Variants in ABHD17A observed in about 807,000 individuals in gnomAD.
The protein encoded by ABHD17A is abhydrolase domain containing 17A, depalmitoylase, also known as alpha/beta hydrolase domain-containing protein 17A.
A neutral mutation model predicts 26.8 loss-of-function variants in ABHD17A; 10 were observed. The ratio of observed to expected loss-of-function variants is 0.37; its 90% CI spans 0.23 to 0.63. ABHD17A has a LOEUF of 0.63. Ranked by LOEUF, ABHD17A falls within the 30% of genes least tolerant of loss-of-function variation. ABHD17A has a pLI of 0.61. For synonymous variants in ABHD17A, 167 were observed against 210.9 expected (o/e 0.79, Z 1.80); for missense variants, 292 against 457.3 (o/e 0.64, Z 3.30).
intron 3 of ABHD17A, chr19:1,877,964 C>T (rs1323112417): frequency 2.1e-6 from 1 of 469,474 alleles, no homozygotes; most frequent in Admixed American, 3.9e-5. Context: ...TACGGAGTGC[C>T]CCTGGGGCGG....
chr19:1,881,268 G>C lies in ABHD17A; in HGVS notation c.299C>G (p.Ser100Cys), dbSNP rs1197546147. 6 of 1,611,034 alleles carry C rather than the reference G, an allele frequency of 3.7e-6. No individual in the cohort carries two copies. Among genetic ancestry groups the C allele is most frequent in the African/African-American group, 1.3e-5 (1 of 74,874 alleles). The stretch of plus-strand genomic sequence containing the variant: ...AGGCACGCAGCGAACATACATGCAG[G>C]AGACGCGGTTGCCGCGGGCGCTCTT... The part of the protein sequence containing the change: ...PTKSARGNRV[S>C]CMYVRCVPGA... Residue 100 changes from serine to cysteine, a missense_variant, in exon 2 of 5, where the codon TCC (serine) becomes TGC (cysteine). This residue lies in a region of ABHD17A where 171 missense variants were observed against 216.1 expected (regional missense o/e 0.79). Coordinates refer to ENST00000292577, the MANE Select transcript of ABHD17A (RefSeq NM_001130111.2).
rs1217257552 is a variant in ABHD17A at position 1,880,510 on chromosome 19, G to T, written c.333-395C>A. The stretch of plus-strand genomic sequence containing the variant: ...CTCCTGGAAGAACCTGGACCCCCGG[G>T]GATGGAGCGCACAGGCCCACCTTTC... On this transcript the variant is annotated intron_variant, in intron 2 of 4. Transcript: ENST00000292577. The surrounding 1 kb of genome is among the most constrained non-coding windows in gnomAD (Gnocchi z 4.1). Among the ~76,000 whole-genome samples the T allele has an allele frequency of 6.6e-6, 1 of 152,210 alleles. No homozygotes were observed. Among genetic ancestry groups the T allele is most frequent in the Non-Finnish European group, 1.5e-5 (1 of 68,036 alleles).
At position 1,876,975 on chromosome 19, in the gene ABHD17A, C is replaced by T; in HGVS notation, c.*225G>A. 3.5e-6 allele frequency: 2 copies of T among 567,132 alleles called. No individual in the cohort carries two copies. The highest frequency in any genetic ancestry group is 3.0e-5 in the East Asian group (1 of 32,874). The allele number at this position is 567,132 out of a possible 1,614,324, so 35.1% of individuals were successfully genotyped here. The stretch of plus-strand genomic sequence containing the variant: ...AGCCATGAAAGGAAGGAGAGCAGCC[C>T]TAAAATTTTAAATCTTTAATTTCCG... On this transcript the variant is annotated 3_prime_UTR_variant, in exon 5 of 5. Coordinates refer to ENST00000292577, the MANE Select transcript of ABHD17A (RefSeq NM_001130111.2).
At chr19:1,877,460 G>T in intron 4 of ABHD17A, 35 bp from the exon 5 acceptor site, 1 of 1,569,196 alleles carries the variant, frequency 6.4e-7, no homozygotes, top group Non-Finnish European at 8.6e-7. Context: ...GAGACTTCGC[G>T]CCCGGCCCGG....
chr19:1,880,524 G>A lies in ABHD17A; in HGVS notation c.333-409C>T, dbSNP rs12461295. Among the ~76,000 whole-genome samples the A allele has an allele frequency of 0.6, 90,502 of 152,060 alleles. 27,081 individuals carry two copies. Among genetic ancestry groups the A allele is most frequent in the Middle Eastern group, 0.68 (201 of 294 alleles). ...TGGACCCCCGGGGATGGAGCGCACAGGCCCACCTTTCAGGACCTTCCCAGG... is the reference window on the plus strand; with the variant it reads ...TGGACCCCCGGGGATGGAGCGCACAAGCCCACCTTTCAGGACCTTCCCAGG... On this transcript the variant is annotated intron_variant, in intron 2 of 4. Transcript: ENST00000292577. This position sits in a 1 kb window ranked among gnomAD's most constrained non-coding sequence, Gnocchi z 4.1.
intron 3 of ABHD17A, chr19:1,878,017 C>T (rs1599205373): frequency 2.7e-6 from 1 of 369,926 alleles, no homozygotes; most frequent in East Asian, 5.8e-5. Context: ...CTGGTCACCC[C>T]TAGGTGCACA....
Position 1,880,778 on chromosome 19 carries a change from G to T in ABHD17A, c.332+457C>A. On this transcript the variant is annotated intron_variant, in intron 2 of 4. Transcript: ENST00000292577. The surrounding 1 kb of genome is among the most constrained non-coding windows in gnomAD (Gnocchi z 4.1). ...GGAGCTGCCCCAGGTGGTGCCAGGAGCAGGTGGCCAGGCTGGCCCTGCCAT... is the reference window on the plus strand; with the variant it reads ...GGAGCTGCCCCAGGTGGTGCCAGGATCAGGTGGCCAGGCTGGCCCTGCCAT... 7.0e-7 allele frequency: 1 copy of T among 1,426,084 alleles called. No individual in the cohort carries two copies. The highest frequency in any genetic ancestry group is 9.5e-7 in the Non-Finnish European group (1 of 1,050,830). 88.3% of individuals were successfully genotyped at this position (1,426,084 alleles called of 1,614,324 possible).
In ABHD17A at chr19:1,881,617, C is replaced by T. The variant is rs771242865; in HGVS notation, c.-51G>A. The stretch of plus-strand genomic sequence containing the variant: ...CCACCGGGGCCCCCGCCAACAACGC[C>T]GCCCGGCCTGGCCCGGCAGGGGAGG... On this transcript the variant is annotated 5_prime_UTR_variant, in exon 2 of 5. Coordinates refer to ENST00000292577, the MANE Select transcript of ABHD17A (RefSeq NM_001130111.2). 38 of 1,465,014 alleles carry T rather than the reference C, an allele frequency of 2.6e-5. No individual in the cohort carries two copies. The highest frequency in any genetic ancestry group is 1.3e-4 in the East Asian group (5 of 38,160). 90.8% of individuals were successfully genotyped at this position (1,465,014 alleles called of 1,614,324 possible).
chr19:1,878,121 A>T (rs59109736), intron 3 of ABHD17A: 2,200 of 187,404 alleles, frequency 0.012, 50 homozygotes, highest in African/African-American at 0.05. Context: ...GACAGCGGAC[A>T]CTATTCCTCC....
In ABHD17A at chr19:1,879,401, G is replaced by C. The variant is rs1420940160; in HGVS notation, c.527+520C>G. Reference sequence around the variant, plus strand: ...GACTAGGAGGGCTGGATCTGGAATCGAGGCTGGCCCAGACCTCGGATGTGT... The same window carrying C: ...GACTAGGAGGGCTGGATCTGGAATCCAGGCTGGCCCAGACCTCGGATGTGT... On this transcript the variant is annotated intron_variant, in intron 3 of 4. Transcript: ENST00000292577. This position sits in a 1 kb window ranked among gnomAD's most constrained non-coding sequence, Gnocchi z 7.6. 7 of 166,924 alleles carry C rather than the reference G, an allele frequency of 4.2e-5. 2 individuals carry two copies. Among genetic ancestry groups the C allele is most frequent in the African/African-American group, 1.7e-4 (7 of 41,624 alleles). 10.3% of individuals were successfully genotyped at this position (166,924 alleles called of 1,614,324 possible). A position where few individuals can be genotyped will look rare whatever the true frequency, so the allele number is the denominator to read the frequency against.
intron 1 of ABHD17A, among the ~76,000 whole-genome samples, chr19:1,884,379 G>C (rs138232766): frequency 6.6e-6 from 1 of 152,278 alleles, no homozygotes; most frequent in Non-Finnish European, 1.5e-5. Context: ...AATGGGCGTG[G>C]ACTGGGGAGT....
chr19:1,884,564 C>G (rs1162281635), intron 1 of ABHD17A, among the ~76,000 whole-genome samples: 1 of 152,120 alleles, frequency 6.6e-6, no homozygotes, highest in Non-Finnish European at 1.5e-5. Context: ...GAGACGGTGA[C>G]TGCACCTCAC....
At position 1,876,972 on chromosome 19, in the gene ABHD17A, G is replaced by T. The variant is rs1333843204; in HGVS notation, c.*228C>A. The stretch of plus-strand genomic sequence containing the variant: ...CAGAGCCATGAAAGGAAGGAGAGCA[G>T]CCCTAAAATTTTAAATCTTTAATTT... On this transcript the variant is annotated 3_prime_UTR_variant, in exon 5 of 5. Transcript: ENST00000292577. The T allele has an allele frequency of 3.5e-6, 2 of 565,550 alleles. No homozygotes were observed. The highest frequency in any genetic ancestry group is 4.1e-5 in the South Asian group (2 of 48,772). 35.0% of individuals were successfully genotyped at this position (565,550 alleles called of 1,614,324 possible).
chr19:1,881,929 C>T (rs1219536799), intron 1 of ABHD17A, 125 bp from the exon 2 acceptor site: 2 of 236,282 alleles, frequency 8.5e-6, no homozygotes, highest in Non-Finnish European at 1.6e-5. Context: ...CAGTCCCCAT[C>T]CCCTCGGCCC....
In ABHD17A at chr19:1,877,215, G is replaced by A. The variant is rs1398933050; in HGVS notation, c.918C>T (p.Pro306=). The part of the protein sequence containing the change: ...RLRRFISQEL[P]SQRA ...GGGGCCGCCGCTAGGCGCGCTGGCT[G>A]GGCAGCTCCTGGGAGATGAAGCGAC... The change falls in exon 5 of 5, where the codon CCC becomes CCT. Residue 306 remains proline (P), a synonymous_variant. Coordinates refer to ENST00000292577, the MANE Select transcript of ABHD17A (RefSeq NM_001130111.2). The A allele has an allele frequency of 6.7e-7, 1 of 1,485,218 alleles. No individual in the cohort carries two copies. The highest frequency in any genetic ancestry group is 1.4e-5 in the African/African-American group (1 of 72,506). The allele number at this position is 1,485,218 out of a possible 1,614,324, so 92.0% of individuals were successfully genotyped here. A position where few individuals can be genotyped will look rare whatever the true frequency, so the allele number is the denominator to read the frequency against.
Position 1,881,413 on chromosome 19 carries a change from G to A in ABHD17A, c.154C>T (p.Pro52Ser), listed in dbSNP as rs2012526046. ...EPGPGGAGAA[P>S]LGTLRASSGA... ...GAGGAGGCTCTCAGGGTCCCCAAGGGGGCGGCCCCGGCCCCACCAGGCCCC... is the reference window on the plus strand; with the variant it reads ...GAGGAGGCTCTCAGGGTCCCCAAGGAGGCGGCCCCGGCCCCACCAGGCCCC... Residue 52 changes from proline (P) to serine (S), a missense_variant, in exon 2 of 5, where the codon CCC (proline) becomes TCC (serine). Around this residue, in one of 4 missense-constraint regions of ABHD17A, gnomAD observed 171 missense variants for 216.1 expected, o/e 0.79. Transcript: ENST00000292577. The A allele has an allele frequency of 3.7e-6, 6 of 1,602,804 alleles. No individual in the cohort carries two copies. The highest frequency in any genetic ancestry group is 5.1e-6 in the Non-Finnish European group (6 of 1,178,416).
rs749691356 is a variant in ABHD17A at position 1,880,966 on chromosome 19, C to T, written c.332+269G>A. The T allele has an allele frequency of 3.7e-6, 6 of 1,612,568 alleles. No homozygotes were observed. Among genetic ancestry groups the T allele is most frequent in the Admixed American group, 1.7e-5 (1 of 59,988 alleles). ...CCCCAGCTCTTGCCCAGCAGGCAAC[C>T]ACCAGGCGCTGGGTTGTTGGAGTCG... On this transcript the variant is annotated intron_variant, in intron 2 of 4. Coordinates refer to ENST00000292577, the MANE Select transcript of ABHD17A (RefSeq NM_001130111.2). The surrounding 1 kb of genome is among the most constrained non-coding windows in gnomAD (Gnocchi z 4.1).
At chr19:1,877,809 T>C (rs1223128497) in intron 3 of ABHD17A, 122 bp from the exon 4 acceptor site, 1 of 889,736 alleles carries the variant, frequency 1.1e-6, no homozygotes, top group Non-Finnish European at 1.7e-6. Context: ...GCCAAGTCAG[T>C]GGGTCAGGCT....
At position 1,881,755 on chromosome 19, in the gene ABHD17A, C is replaced by T. The variant is rs1334358111; in HGVS notation, c.-189G>A. The T allele has an allele frequency of 1.4e-6, 1 of 720,770 alleles. No homozygotes were observed. The highest frequency in any genetic ancestry group is 2.1e-6 in the Non-Finnish European group (1 of 486,808). The allele number at this position is 720,770 out of a possible 1,614,324, so 44.6% of individuals were successfully genotyped here. ...CAGCCCCATCGCGGTCCAAGCCGAG[C>T]CCCAGGGAGCCTCGCAACCACAGGT... On this transcript the variant is annotated 5_prime_UTR_variant, in exon 2 of 5. Coordinates refer to ENST00000292577, the MANE Select transcript of ABHD17A (RefSeq NM_001130111.2).
Sources: allele counts gnomAD v4.1 joint callset (sites outside exome capture counted in the v4.1 genomes callset), GRCh38; gene constraint gnomAD v4.1.1; regional missense constraint gnomAD v4.1.1; non-coding constraint Gnocchi (gnomAD v3.1); transcripts MANE v1.5; gene names NCBI Gene and HGNC (gene_info 2026-07-23, HGNC 2026-07-21).